The following SPEN variants were observed in gnomAD, a reference collection of about 807,000 sequenced individuals.
SPEN encodes spen family transcriptional repressor.
Under a neutral mutation model 269.9 loss-of-function variants are expected in SPEN, and 18 were observed. The observed-to-expected ratio is 0.07, with a 90% CI of 0.05 to 0.10. The LOEUF (loss-of-function observed/expected upper bound fraction) is 0.10. Among genes scored for constraint, SPEN ranks in the 10% least tolerant of loss-of-function variants. The pLI is 1.00. For missense variants in SPEN, 3,822 were observed against 4,631.2 expected, an observed-to-expected ratio of 0.83 and a Z score of 5.07; for synonymous variants, 1,726 against 1,765.7, an observed-to-expected ratio of 0.98 and a Z score of 0.56.
intron 3 of SPEN, among the ~76,000 whole-genome samples, chr1:15,905,467 C>G (rs554305528): frequency 6.6e-6 from 1 of 152,170 alleles, no homozygotes; most frequent in African/African-American, 2.4e-5. Context: ...GGTGATCCAT[C>G]TGCCTTGGCC....
chr1:15,877,778 C>T (rs1557740486), intron 3 of SPEN, among the ~76,000 whole-genome samples: 1 of 116,632 alleles, frequency 8.6e-6, no homozygotes, highest in African/African-American at 3.4e-5. Flanking sequence ...GAGTCTCGCT[C>T]TTGTCACCTA....
Position 15,912,820 on chromosome 1 carries a change from T to C in SPEN, c.1243+1519T>C, listed in dbSNP as rs79356294. On this transcript the variant is annotated intron_variant, in intron 5 of 14. Transcript: ENST00000375759. ...TGAGAAACATTTAGAATGTCATATATGTTTCTAGAGCCAATTATAATTATT... is the reference window on the plus strand; with the variant it reads ...TGAGAAACATTTAGAATGTCATATACGTTTCTAGAGCCAATTATAATTATT... Among the ~76,000 whole-genome samples, 948 of 152,278 alleles carry C rather than the reference T, an allele frequency of 6.2e-3. 14 individuals are homozygous for C. Among genetic ancestry groups the C allele is most frequent in the African/African-American group, 0.022 (904 of 41,552 alleles).
chr1:15,928,980 G>T lies in SPEN; in HGVS notation c.2740G>T (p.Asp914Tyr). Residue 914 changes from aspartate to tyrosine, a missense_variant, in exon 11 of 15, where the codon GAC (aspartate) becomes TAC (tyrosine). Around this residue, in one of 16 missense-constraint regions of SPEN, gnomAD observed 572 missense variants for 582.6 expected, o/e 0.98. Coordinates refer to ENST00000375759, the MANE Select transcript of SPEN (RefSeq NM_015001.3). The surrounding 1 kb of genome is among the most constrained non-coding windows in gnomAD (Gnocchi z 5.7). ...TGACACTGTCAAATCTTCTGCCCTGGACCAGAAACTTCAGGTCTCTCAGAC... is the reference window on the plus strand; with the variant it reads ...TGACACTGTCAAATCTTCTGCCCTGTACCAGAAACTTCAGGTCTCTCAGAC... ...DNDTVKSSAL[D>Y]QKLQVSQTEP... 1.2e-6 allele frequency: 2 copies of T among 1,614,192 alleles called. No individual in the cohort carries two copies. The highest frequency in any genetic ancestry group is 2.2e-5 in the South Asian group (2 of 91,076).
chr1:15,923,963 C>T (rs556485663), intron 10 of SPEN, among the ~76,000 whole-genome samples: 60 of 152,278 alleles, frequency 3.9e-4, no homozygotes, highest in African/African-American at 1.3e-3. Context: ...CCACCGCACC[C>T]GGCCTACCTG....
chr1:15,919,126 G>A (rs1466877712), intron 7 of SPEN, 75 bp downstream of exon 7: 1 of 1,190,540 alleles, frequency 8.4e-7, no homozygotes, highest in Non-Finnish European at 1.2e-6. Context: ...TTTTTTTTTT[G>A]CATATGCCTT....
chr1:15,911,346 T>TGCAACACAAACA, intron 5 of SPEN, 45 bp downstream of exon 5: 1 of 1,523,252 alleles, frequency 6.6e-7, no homozygotes, highest in Non-Finnish European at 9.1e-7. Context: ...TCACACACAC[T>TGCAACACAAACA]GTTTGTGTTG....
At chr1:15,878,827 T>C (rs2148713046) in intron 3 of SPEN, among the ~76,000 whole-genome samples, 1 of 150,692 alleles carries the variant, frequency 6.6e-6, no homozygotes, top group East Asian at 2.0e-4. Flanking sequence ...CTGGCCAACA[T>C]GGTGAAACCC....
intron 3 of SPEN, among the ~76,000 whole-genome samples, chr1:15,901,598 C>T (rs973802935): frequency 1.4e-5 from 2 of 144,228 alleles, no homozygotes; most frequent in African/African-American, 2.6e-5. Context: ...TGCAGTGAGC[C>T]GAGATCACGC....
Position 15,928,246 on chromosome 1 carries a change from A to G in SPEN, c.2006A>G (p.Tyr669Cys). ...TGGGAAACTTACCAAGGAGACTACT[A>G]TGAATCACGATACTACGATGATCCT... ...SEWETYQGDYYESRYYDDPRE... is the reference protein window; with the variant it reads ...SEWETYQGDYCESRYYDDPRE... Residue 669 changes from tyrosine (Y) to cysteine (C), a missense_variant, in exon 11 of 15, where the codon TAT becomes TGT. Coordinates refer to ENST00000375759, the MANE Select transcript of SPEN (RefSeq NM_015001.3). The surrounding 1 kb of genome is among the most constrained non-coding windows in gnomAD (Gnocchi z 5.7). 1.1e-5 allele frequency: 17 copies of G among 1,614,228 alleles called. No individual in the cohort carries two copies. The highest frequency in any genetic ancestry group is 1.4e-5 in the Non-Finnish European group (16 of 1,180,028).
At chr1:15,910,124 TAAAAAAAAAAAAAA>T (rs57198076) in intron 4 of SPEN, among the ~76,000 whole-genome samples, 3 of 65,688 alleles carry the variant, frequency 4.6e-5, no homozygotes, top group Non-Finnish European at 8.8e-5. Context: ...ACTCTGTCTC[TAAAAAAAAAAAAAA>T]AAAAAAAAAA....
intron 4 of SPEN, 42 bp from the exon 5 acceptor site, chr1:15,911,059 A>G: frequency 6.7e-7 from 1 of 1,493,764 alleles, no homozygotes; most frequent in Non-Finnish European, 9.1e-7. Flanking sequence ...AGTTATAATT[A>G]AATTAGAAGA....
intron 1 of SPEN, among the ~76,000 whole-genome samples, chr1:15,861,651 T>G (rs548828138): frequency 1.2e-3 from 189 of 152,066 alleles, no homozygotes; most frequent in East Asian, 5.8e-4. Context: ...CTTTTTTTTG[T>G]GGGGGGAGTA....
At chr1:15,917,205 G>GA (rs1227072944) in intron 6 of SPEN, among the ~76,000 whole-genome samples, 3 of 152,210 alleles carry the variant, frequency 2.0e-5, no homozygotes, top group African/African-American at 7.2e-5. Flanking sequence ...GGGATTACTA[G>GA]AATATGGATG....
At chr1:15,910,520 G>C (rs1336423691) in intron 4 of SPEN, among the ~76,000 whole-genome samples, 2 of 151,992 alleles carry the variant, frequency 1.3e-5, no homozygotes, top group Non-Finnish European at 2.9e-5. Flanking sequence ...CAAAGTAGAA[G>C]GAATAGCAAA....
At chr1:15,869,473 T>G (rs1212660099) in intron 1 of SPEN, among the ~76,000 whole-genome samples, 1 of 152,166 alleles carries the variant, frequency 6.6e-6, no homozygotes. Context: ...TGCCCATAAT[T>G]TGGTGGTTGT....
chr1:15,936,653 A>G (rs1434214002), intron 11 of SPEN, among the ~76,000 whole-genome samples: 1 of 151,632 alleles, frequency 6.6e-6, no homozygotes, highest in Non-Finnish European at 1.5e-5. Flanking sequence ...AAAAAAAAAA[A>G]AAGCCGGGCA....
At chr1:15,880,118 A>AAG (rs2070672957) in intron 3 of SPEN, among the ~76,000 whole-genome samples, 1 of 152,170 alleles carries the variant, frequency 6.6e-6, no homozygotes, top group South Asian at 2.1e-4. Flanking sequence ...CATACCTGAC[A>AAG]AGGAAGTAAG....
At position 15,935,740 on chromosome 1, in the gene SPEN, C is replaced by A. The variant is rs556086278; in HGVS notation, c.9500C>A (p.Ala3167Asp). Residue 3167 changes from alanine to aspartate, a missense_variant, in exon 11 of 15, where the codon GCT becomes GAT. This residue lies in a region of SPEN where 153 missense variants were observed against 228.5 expected (regional missense o/e 0.67). Coordinates refer to ENST00000375759, the MANE Select transcript of SPEN (RefSeq NM_015001.3). This position sits in a 1 kb window ranked among gnomAD's most constrained non-coding sequence, Gnocchi z 7.7. ...GAAGTGCATTATCACCTTCCTGTCG[C>A]TCGAGCCACAGCCCCTGTGCAGTCA... ...EEEVHYHLPV[A>D]RATAPVQSEV... 5.0e-5 allele frequency: 81 copies of A among 1,613,188 alleles called. No individual in the cohort carries two copies. In the South Asian group the frequency reaches 8.7e-4, roughly 17 times the overall value.
At position 15,940,385 on chromosome 1, in the gene SPEN, CTG is replaced by C. The variant is rs970781169; in HGVS notation, c.*960_*961del. On this transcript the variant is annotated 3_prime_UTR_variant, in exon 15 of 15. Coordinates refer to ENST00000375759, the MANE Select transcript of SPEN (RefSeq NM_015001.3). ...TCCTAACACTTATTAATTTATGAAA[CTG>C]TTTTTCTCAGCGCAGTTTTGTTTTG... The C allele has an allele frequency of 9.5e-5, 22 of 232,580 alleles. No individual in the cohort carries two copies. The highest frequency in any genetic ancestry group is 1.4e-4 in the Non-Finnish European group (16 of 117,496). 14.4% of individuals were successfully genotyped at this position (232,580 alleles called of 1,614,324 possible). A position where few individuals can be genotyped will look rare whatever the true frequency, so the allele number is the denominator to read the frequency against.
Sources: gnomAD v4.1 joint callset for allele counts (sites outside exome capture counted in the v4.1 genomes callset) on GRCh38, gnomAD v4.1.1 for gene constraint, gnomAD v4.1.1 regional missense constraint, Gnocchi (gnomAD v3.1) non-coding constraint, MANE v1.5 for transcripts, NCBI Gene and HGNC (gene_info 2026-07-23, HGNC 2026-07-21) for gene names.